ZNF451: variants seen among roughly 807,000 people sequenced by gnomAD.
The protein encoded by ZNF451 is E3 SUMO-protein ligase ZNF451.
In ZNF451, 80 loss-of-function variants were observed where a neutral mutation model predicts 107.1. The ratio of observed to expected loss-of-function variants is 0.75; its 90% CI spans 0.62 to 0.90. ZNF451 has a LOEUF of 0.90. Ranked by LOEUF, ZNF451 falls within the 40% of genes least tolerant of loss-of-function variation. ZNF451 has a pLI of 0.00. For missense variants in ZNF451, 1,107 were observed against 1,236.2 expected, an observed-to-expected ratio of 0.90 and a Z score of 1.57; for synonymous variants, 362 against 406.5, an observed-to-expected ratio of 0.89 and a Z score of 1.32.
intron 6 of ZNF451, chr6:57,134,041 C>G (rs957221007): frequency 6.6e-6 from 1 of 152,150 alleles, no homozygotes; most frequent in Non-Finnish European, 1.5e-5. Flanking sequence ...ATTAAACATT[C>G]GACTCCCCAT....
At chr6:57,101,651 AC>A in intron 3 of ZNF451, 1 of 1,550,690 alleles carries the variant, frequency 6.4e-7, no homozygotes, top group Non-Finnish European at 8.7e-7. Context: ...CTGGTTCATG[AC>A]CCAGAATTTG....
At chr6:57,166,107 A>G (rs1280914346) in intron 14 of ZNF451, among the ~76,000 whole-genome samples, 1 of 151,282 alleles carries the variant, frequency 6.6e-6, no homozygotes, top group Non-Finnish European at 1.5e-5. Flanking sequence ...GGCTCACTGC[A>G]ACCTCCGCCT....
chr6:57,097,969 A>G (rs1286392400), intron 2 of ZNF451, among the ~76,000 whole-genome samples: 1 of 146,646 alleles, frequency 6.8e-6, no homozygotes. Flanking sequence ...TATATTTATT[A>G]TTATTATTAT....
At chr6:57,093,064 T>C (rs954797214) in intron 2 of ZNF451, 4 of 152,230 alleles carry the variant, frequency 2.6e-5, no homozygotes, top group African/African-American at 7.2e-5. Flanking sequence ...CTGTTGTTCT[T>C]ATTTCTGTTT....
intron 3 of ZNF451, 131 bp downstream of exon 3, chr6:57,099,272 T>C (rs1036700065): frequency 1.4e-6 from 1 of 707,414 alleles, no homozygotes; most frequent in African/African-American, 1.8e-5. Context: ...CTAAAATAGG[T>C]AGTCCAAGGA....
In ZNF451 at chr6:57,168,596, T is replaced by A. The variant is rs1279201142; in HGVS notation, c.*127T>A. 2.7e-6 allele frequency: 2 copies of A among 751,274 alleles called. No homozygotes were observed. Among genetic ancestry groups the A allele is most frequent in the Non-Finnish European group, 4.4e-6 (2 of 451,008 alleles). 46.5% of individuals were successfully genotyped at this position (751,274 alleles called of 1,614,324 possible). A position where few individuals can be genotyped will look rare whatever the true frequency, so the allele number is the denominator to read the frequency against. ...TGTATTTGAAAACATGTTTTTGCTT[T>A]CATATGTTCAAAATCTGATCTTTGT... On this transcript the variant is annotated 3_prime_UTR_variant, in exon 15 of 15. Coordinates refer to ENST00000370706, the MANE Select transcript of ZNF451 (RefSeq NM_001031623.3).
At chr6:57,106,095 AC>A in intron 3 of ZNF451, 4 of 985,366 alleles carry the variant, frequency 4.1e-6, no homozygotes, top group Non-Finnish European at 4.8e-6. Context: ...AGGACCTGAT[AC>A]ATCCAGGATA....
At chr6:57,160,627 G>C (rs1260588318) in intron 13 of ZNF451, among the ~76,000 whole-genome samples, 9 of 152,074 alleles carry the variant, frequency 5.9e-5, no homozygotes, top group Non-Finnish European at 1.3e-4. Context: ...GAACAACCAC[G>C]CCTGGCCTCA....
At chr6:57,122,844 G>A (rs1281688566) in intron 3 of ZNF451, among the ~76,000 whole-genome samples, 4 of 152,158 alleles carry the variant, frequency 2.6e-5, no homozygotes, top group Admixed American at 6.5e-5. Context: ...AAATAGAACC[G>A]TGATTCTACC....
intron 9 of ZNF451, among the ~76,000 whole-genome samples, chr6:57,144,691 G>A (rs762106311): frequency 3.9e-5 from 6 of 152,172 alleles, no homozygotes; most frequent in Non-Finnish European, 7.3e-5. Context: ...CACTTTGGGA[G>A]GCTTAGGCAG....
At chr6:57,168,373 A>C in intron 14 of ZNF451, 50 bp from the exon 15 acceptor site, 1 of 1,266,966 alleles carries the variant, frequency 7.9e-7, no homozygotes, top group Non-Finnish European at 1.1e-6. Context: ...AATACAGCAC[A>C]TGTTGAGTTT....
intron 3 of ZNF451, chr6:57,108,717 G>A (rs1485528808): frequency 3.0e-6 from 3 of 985,334 alleles, no homozygotes; most frequent in Non-Finnish European, 3.6e-6. Flanking sequence ...GTTAATATCC[G>A]TGTGTTTAAT....
In ZNF451 at chr6:57,148,169, T is replaced by A; in HGVS notation, c.2084T>A (p.Val695Glu). ...GAGGAGCACCACAGCATAGATTATG[T>A]ATTTGTGTCAGAAAAAACTGAAACT... is the stretch of plus-strand genomic sequence containing the variant. ...HYEEHHSIDY[V>E]FVSEKTETSI... The change falls in exon 10 of 15, where the codon GTA becomes GAA. Residue 695 changes from valine (V) to glutamate (E), a missense_variant. Transcript: ENST00000370706. 6.2e-7 allele frequency: 1 copy of A among 1,614,096 alleles called. No individual in the cohort carries two copies. Among genetic ancestry groups the A allele is most frequent in the African/African-American group, 1.3e-5 (1 of 75,038 alleles).
chr6:57,105,524 T>C, intron 3 of ZNF451: 1 of 985,412 alleles, frequency 1.0e-6, no homozygotes, highest in Non-Finnish European at 1.2e-6. Flanking sequence ...CTAAATGTAC[T>C]CCCTTCTGAA....
intron 3 of ZNF451, among the ~76,000 whole-genome samples, chr6:57,099,984 A>G (rs189871951): frequency 6.4e-4 from 98 of 152,322 alleles, no homozygotes; most frequent in African/African-American, 2.1e-3. Flanking sequence ...CCGTTTTTTA[A>G]TCAAATAATA....
intron 6 of ZNF451, among the ~76,000 whole-genome samples, chr6:57,133,737 G>A (rs913140689): frequency 2.0e-5 from 3 of 152,152 alleles, no homozygotes; most frequent in Admixed American, 2.0e-4. Context: ...CCAGGATGGA[G>A]TGCAGTGCAG....
chr6:57,142,718 A>T (rs1831832611), intron 9 of ZNF451, among the ~76,000 whole-genome samples: 1 of 152,212 alleles, frequency 6.6e-6, no homozygotes, highest in Admixed American at 6.5e-5. Context: ...GACATTGAAA[A>T]GTGGAATTGT....
In ZNF451 at chr6:57,168,372, C is replaced by T. The variant is rs1179044450; in HGVS notation, c.3140-51C>T. The stretch of plus-strand genomic sequence containing the variant: ...CGATGAAACTTAAATAAATACAGCA[C>T]ATGTTGAGTTTTCTGCCCTAAGTGT... On this transcript the variant is annotated intron_variant, in intron 14 of 14. Transcript: ENST00000370706. 4 of 1,252,372 alleles carry T rather than the reference C, an allele frequency of 3.2e-6. No individual in the cohort carries two copies. The East Asian group carries it at 7.1e-5, about 22-fold the overall frequency. The allele number at this position is 1,252,372 out of a possible 1,614,324, so 77.6% of individuals were successfully genotyped here.
chr6:57,147,474 G>C lies in ZNF451; in HGVS notation c.1389G>C (p.Gln463His). 1 of 1,614,080 alleles carries C rather than the reference G, an allele frequency of 6.2e-7. No homozygotes were observed. The highest frequency in any genetic ancestry group is 1.1e-5 in the South Asian group (1 of 91,082). ...GCCATGAAGGTGTTGCTTGTGTCCA[G>C]AAAGAAAAATCAGTAGTTAAAACCT... Reference protein sequence around the residue: ...DKSHEGVACVQKEKSVVKTWF... With the variant: ...DKSHEGVACVHKEKSVVKTWF... Residue 463 changes from glutamine to histidine, a missense_variant, in exon 10 of 15, where the codon CAG (glutamine) becomes CAC (histidine). Transcript: ENST00000370706.
Sources: allele counts gnomAD v4.1 joint callset (sites outside exome capture counted in the v4.1 genomes callset), GRCh38; gene constraint gnomAD v4.1.1; transcripts MANE v1.5; gene names NCBI Gene and HGNC (gene_info 2026-07-23, HGNC 2026-07-21).